TMEM132C: variants seen among roughly 807,000 people sequenced by gnomAD.
TMEM132C encodes protein phosphatase 1, regulatory subunit 152.
A neutral mutation model predicts 61.4 loss-of-function variants in TMEM132C; 29 were observed. That is an observed-to-expected ratio of 0.47 (90% confidence interval 0.35 to 0.64). The LOEUF (loss-of-function observed/expected upper bound fraction) is 0.64, where lower values mean the gene tolerates loss of function less well. TMEM132C is among the 30% of genes least tolerant of loss of function. The probability of loss-of-function intolerance (pLI) is 0.00; values close to 1 mark genes in which losing one functional copy is unlikely to be tolerated. For synonymous variants in TMEM132C, 656 were observed against 633.1 expected (o/e 1.04, Z -0.54); for missense variants, 1,408 against 1,476.9 (o/e 0.95, Z 0.76).
chr12:128,379,912 A>C (rs963031233), intron 1 of TMEM132C, among the ~76,000 whole-genome samples: 3 of 152,198 alleles, frequency 2.0e-5, no homozygotes, highest in Non-Finnish European at 4.4e-5. Flanking sequence ...CTAAGACCTC[A>C]CCCTGTGCTA....
intron 3 of TMEM132C, among the ~76,000 whole-genome samples, chr12:128,594,130 T>C (rs1875860392): frequency 6.7e-6 from 1 of 149,884 alleles, no homozygotes; most frequent in Admixed American, 6.7e-5. Context: ...CTGAACTCTG[T>C]GGAGTCTGAG....
chr12:128,606,374 G>T (rs1353021864), intron 3 of TMEM132C, among the ~76,000 whole-genome samples: 1 of 152,208 alleles, frequency 6.6e-6, no homozygotes, highest in African/African-American at 2.4e-5. Flanking sequence ...GGGCCGGGAA[G>T]AACTGGAAGC....
At chr12:128,655,576 C>T (rs1268513727) in intron 4 of TMEM132C, among the ~76,000 whole-genome samples, 1 of 151,684 alleles carries the variant, frequency 6.6e-6, no homozygotes, top group Non-Finnish European at 1.5e-5. Flanking sequence ...GAAAATGAAG[C>T]GCCCTTTTGG....
intron 5 of TMEM132C, among the ~76,000 whole-genome samples, chr12:128,687,684 C>T (rs1954688089): frequency 6.6e-6 from 1 of 152,316 alleles, no homozygotes; most frequent in South Asian, 2.1e-4. Context: ...GAAAACCAGG[C>T]ACATCGGAGA....
chr12:128,402,006 G>A (rs904167815), intron 1 of TMEM132C, among the ~76,000 whole-genome samples: 4 of 152,202 alleles, frequency 2.6e-5, no homozygotes, highest in Non-Finnish European at 4.4e-5. Flanking sequence ...GAGATGGGGG[G>A]ACTATCCTGG....
intron 8 of TMEM132C, among the ~76,000 whole-genome samples, chr12:128,700,321 C>T (rs891908171): frequency 2.0e-5 from 3 of 152,196 alleles, no homozygotes; most frequent in Admixed American, 2.0e-4. Flanking sequence ...GGGAAATGCG[C>T]TGGCTTCTCC....
At chr12:128,643,125 G>A (rs920704064) in intron 4 of TMEM132C, among the ~76,000 whole-genome samples, 2 of 152,106 alleles carry the variant, frequency 1.3e-5, no homozygotes, top group Non-Finnish European at 2.9e-5. Context: ...AAAGAGACAA[G>A]ATCCTCTTTT....
chr12:128,509,249 CT>C (rs1872492046), intron 2 of TMEM132C, among the ~76,000 whole-genome samples: 1 of 152,136 alleles, frequency 6.6e-6, no homozygotes, highest in South Asian at 2.1e-4. Flanking sequence ...TGCACCTGTG[CT>C]TTTCCCAAAG....
chr12:128,621,412 G>C (rs915582679), intron 4 of TMEM132C, among the ~76,000 whole-genome samples: 10 of 152,222 alleles, frequency 6.6e-5, no homozygotes, highest in Non-Finnish European at 1.2e-4. Flanking sequence ...GAGGATACAA[G>C]AAGAGGGCCA....
At chr12:128,276,602 T>G (rs906552767) in intron 1 of TMEM132C, among the ~76,000 whole-genome samples, 1 of 152,104 alleles carries the variant, frequency 6.6e-6, no homozygotes, top group Non-Finnish European at 1.5e-5. Flanking sequence ...AGGCCCCATT[T>G]CTCTCTTAGG....
At chr12:128,432,832 A>G (rs906850498) in intron 2 of TMEM132C, among the ~76,000 whole-genome samples, 10 of 152,178 alleles carry the variant, frequency 6.6e-5, no homozygotes, top group African/African-American at 2.4e-4. Flanking sequence ...GCTATCAAAC[A>G]GCATCGCGTA....
intron 2 of TMEM132C, among the ~76,000 whole-genome samples, chr12:128,535,524 A>C (rs1056156388): frequency 5.8e-4 from 88 of 152,366 alleles, no homozygotes; most frequent in African/African-American, 1.9e-3. Context: ...AATGCAAATC[A>C]AAACCACAAT....
At chr12:128,560,341 T>G (rs1411315555) in intron 3 of TMEM132C, among the ~76,000 whole-genome samples, 1 of 152,202 alleles carries the variant, frequency 6.6e-6, no homozygotes, top group Non-Finnish European at 1.5e-5. Flanking sequence ...CTGAGTGATC[T>G]GGCCCCTGCC....
At position 128,666,818 on chromosome 12, in the gene TMEM132C, G is replaced by T. The variant is rs545474740; in HGVS notation, c.1306-2599G>T. Reference sequence around the variant, plus strand: ...CTGCTCCTGAAATTGATATTGGTCAGTGAAAAATATATATGTCCGAGGCAG... The same window carrying T: ...CTGCTCCTGAAATTGATATTGGTCATTGAAAAATATATATGTCCGAGGCAG... On this transcript the variant is annotated intron_variant, in intron 4 of 8. Coordinates refer to ENST00000435159, the MANE Select transcript of TMEM132C (RefSeq NM_001136103.3). 2.2e-4 allele frequency among the ~76,000 whole-genome samples: 33 copies of T among 152,346 alleles called. 1 individual carries two copies. The highest frequency in any genetic ancestry group is 4.0e-4 in the Non-Finnish European group (27 of 68,032).
intron 3 of TMEM132C, among the ~76,000 whole-genome samples, chr12:128,576,650 C>G (rs1875107741): frequency 6.6e-6 from 1 of 152,210 alleles, no homozygotes; most frequent in Non-Finnish European, 1.5e-5. Context: ...CATCCATCCT[C>G]TGCAATTATT....
At chr12:128,284,628 A>G (rs1330902481) in intron 1 of TMEM132C, among the ~76,000 whole-genome samples, 14 of 152,216 alleles carry the variant, frequency 9.2e-5, no homozygotes, top group Admixed American at 9.2e-4. Flanking sequence ...TGCCTCTTCT[A>G]TGCACAGATT....
chr12:128,331,193 C>T (rs1264859611), intron 1 of TMEM132C, among the ~76,000 whole-genome samples: 1 of 151,796 alleles, frequency 6.6e-6, no homozygotes, highest in African/African-American at 2.4e-5. Flanking sequence ...CCCATCTCTA[C>T]CCCTTTATCA....
At chr12:128,428,287 A>G (rs1209615134) in intron 2 of TMEM132C, among the ~76,000 whole-genome samples, 1 of 152,152 alleles carries the variant, frequency 6.6e-6, no homozygotes, top group African/African-American at 2.4e-5. Flanking sequence ...GCATCAGGGC[A>G]TGAATGATGT....
chr12:128,437,522 G>A (rs980432135), intron 2 of TMEM132C, among the ~76,000 whole-genome samples: 4 of 152,042 alleles, frequency 2.6e-5, no homozygotes, highest in African/African-American at 9.7e-5. Context: ...GTTCCATGCA[G>A]GAAGGAAGGG....
Sources: allele counts gnomAD v4.1 joint callset (sites outside exome capture counted in the v4.1 genomes callset), GRCh38; gene constraint gnomAD v4.1.1; transcripts MANE v1.5; gene names NCBI Gene and HGNC (gene_info 2026-07-23, HGNC 2026-07-21).